Variants in AP5M1 observed in about 807,000 individuals in gnomAD.
AP5M1 encodes adaptor related protein complex 5 subunit mu 1.
In AP5M1, 44 loss-of-function variants were observed where a neutral mutation model predicts 52.3. That is an observed-to-expected ratio of 0.84 (90% CI 0.66 to 1.08). The LOEUF (loss-of-function observed/expected upper bound fraction) is 1.08, where lower values mean the gene tolerates loss of function less well. AP5M1 is among the 50% of genes least tolerant of loss of function. The probability of loss-of-function intolerance (pLI) is 0.00; values close to 1 mark genes in which losing one functional copy is unlikely to be tolerated. For missense variants in AP5M1, 526 were observed against 568.4 expected, an observed-to-expected ratio of 0.93 and a Z score of 0.76; for synonymous variants, 213 against 199.0, an observed-to-expected ratio of 1.07 and a Z score of -0.59.
rs773576298 is a variant in AP5M1, at chr14:57,288,927, A to C, written c.*43A>C. Reference sequence around the variant, plus strand: ...GGGATTATATAATGATAACAGTTTAAAGAAAATCATAATCTTATATTTTTA... The same window carrying C: ...GGGATTATATAATGATAACAGTTTACAGAAAATCATAATCTTATATTTTTA... On this transcript the variant is annotated 3_prime_UTR_variant, in exon 8 of 8. Coordinates refer to ENST00000261558, the MANE Select transcript of AP5M1 (RefSeq NM_018229.4). 1.7e-6 allele frequency: 2 copies of C among 1,186,250 alleles called. No homozygotes were observed. Among genetic ancestry groups the C allele is most frequent in the South Asian group, 2.7e-5 (2 of 73,168 alleles). 73.5% of individuals were successfully genotyped at this position (1,186,250 alleles called of 1,614,324 possible). A position where few individuals can be genotyped will look rare whatever the true frequency, so the allele number is the denominator to read the frequency against.
intron 5 of AP5M1, 25 bp from the exon 6 acceptor site, chr14:57,283,087 G>C: frequency 6.3e-7 from 1 of 1,584,610 alleles, no homozygotes; most frequent in Non-Finnish European, 8.6e-7. Context: ...ATTTAGAATT[G>C]TTTATTGGTA....
intron 1 of AP5M1, among the ~76,000 whole-genome samples, chr14:57,270,012 G>A (rs939221592): frequency 6.6e-6 from 1 of 152,134 alleles, no homozygotes; most frequent in African/African-American, 2.4e-5. Context: ...GTTTCACCGT[G>A]TTAGCCAGGA....
intron 6 of AP5M1, among the ~76,000 whole-genome samples, chr14:57,285,889 C>T (rs1420419250): frequency 6.6e-6 from 1 of 152,104 alleles, no homozygotes; most frequent in African/African-American, 2.4e-5. Flanking sequence ...TGCTTACGTG[C>T]TGGGATACCA....
chr14:57,283,239 A>T lies in AP5M1; in HGVS notation c.1293+9A>T. 1 of 1,515,720 alleles carries T rather than the reference A, an allele frequency of 6.6e-7. No homozygotes were observed. Among genetic ancestry groups the T allele is most frequent in the Non-Finnish European group, 9.1e-7 (1 of 1,094,678 alleles). 93.9% of individuals were successfully genotyped at this position (1,515,720 alleles called of 1,614,324 possible). Reference sequence around the variant, plus strand: ...AAACAGCATATTTAAAGGTAAACATATTTATACAGCTCACTACAGTAGCAC... The same window carrying T: ...AAACAGCATATTTAAAGGTAAACATTTTTATACAGCTCACTACAGTAGCAC... On this transcript the variant is annotated intron_variant, in intron 6 of 7. Coordinates refer to ENST00000261558, the MANE Select transcript of AP5M1 (RefSeq NM_018229.4).
rs1027967582 is a variant in AP5M1 at position 57,280,331 on chromosome 14, A to G, written c.857A>G (p.Asp286Gly). The change falls in exon 3 of 8, where the codon GAT becomes GGT. Residue 286 changes from aspartate to glycine, a missense_variant. Transcript: ENST00000261558. The part of the protein sequence containing the change: ...DSAILTSSSI[D>G]AMDDSAFSGP... ...GCAATTCTGACTTCTAGTAGTATTG[A>G]TGCAATGGATGACTCTGCATTTAGT... 1 of 1,613,856 alleles carries G rather than the reference A, an allele frequency of 6.2e-7. No individual in the cohort carries two copies. The highest frequency in any genetic ancestry group is 1.1e-5 in the South Asian group (1 of 91,076).
intron 1 of AP5M1, among the ~76,000 whole-genome samples, chr14:57,270,653 G>T (rs933976749): frequency 1.2e-4 from 18 of 152,040 alleles, no homozygotes; most frequent in Non-Finnish European, 2.5e-4. Flanking sequence ...TTAGTACGTG[G>T]TTTTACCAGG....
chr14:57,284,717 G>T (rs1181194176), intron 6 of AP5M1, among the ~76,000 whole-genome samples: 2 of 152,086 alleles, frequency 1.3e-5, no homozygotes, highest in Non-Finnish European at 2.9e-5. Flanking sequence ...CAAACTTGAC[G>T]CTTTTTAAGA....
Position 57,293,934 on chromosome 14 carries a change from C to T in AP5M1, c.*5050C>T, listed in dbSNP as rs193140593. ...TTAAACTGAAAATTGCAAAGGAACT[C>T]ATGAGTTCCTTTGTGATTGAAACAA... On this transcript the variant is annotated 3_prime_UTR_variant, in exon 8 of 8. Transcript: ENST00000261558. 1 of 151,686 alleles carries T rather than the reference C, an allele frequency of 6.6e-6. No individual in the cohort carries two copies. Among genetic ancestry groups the T allele is most frequent in the East Asian group, 1.9e-4 (1 of 5,152 alleles). 9.4% of individuals were successfully genotyped at this position (151,686 alleles called of 1,614,324 possible). A position where few individuals can be genotyped will look rare whatever the true frequency, so the allele number is the denominator to read the frequency against.
rs1885569840 is a variant in AP5M1 at position 57,297,152 on chromosome 14, T to C, written c.*8268T>C. The C allele has an allele frequency of 6.6e-6, 1 of 152,076 alleles. No homozygotes were observed. The highest frequency in any genetic ancestry group is 6.6e-5 in the Admixed American group (1 of 15,228). The allele number at this position is 152,076 out of a possible 1,614,324, so 9.4% of individuals were successfully genotyped here. On this transcript the variant is annotated 3_prime_UTR_variant, in exon 8 of 8. Coordinates refer to ENST00000261558, the MANE Select transcript of AP5M1 (RefSeq NM_018229.4). ...TGCCTCCAGATGTTTGGGGTTTGGA[T>C]ATGTAGGGTAAATATAAATGTCTAA...
rs775328054 is a variant in AP5M1, at chr14:57,288,915, G to A, written c.*31G>A. The A allele has an allele frequency of 7.9e-7, 1 of 1,268,272 alleles. No individual in the cohort carries two copies. Among genetic ancestry groups the A allele is most frequent in the African/African-American group, 1.5e-5 (1 of 65,862 alleles). 78.6% of individuals were successfully genotyped at this position (1,268,272 alleles called of 1,614,324 possible). A position where few individuals can be genotyped will look rare whatever the true frequency, so the allele number is the denominator to read the frequency against. On this transcript the variant is annotated 3_prime_UTR_variant, in exon 8 of 8. Transcript: ENST00000261558. ...TCATGTTTAAATGGGATTATATAAT[G>A]ATAACAGTTTAAAGAAAATCATAAT...
Position 57,292,723 on chromosome 14 carries a change from T to G in AP5M1, c.*3839T>G, listed in dbSNP as rs1008813592. The G allele has an allele frequency of 1.3e-5, 2 of 151,666 alleles. No individual in the cohort carries two copies. Among genetic ancestry groups the G allele is most frequent in the African/African-American group, 4.8e-5 (2 of 41,364 alleles). The allele number at this position is 151,666 out of a possible 1,614,324, so 9.4% of individuals were successfully genotyped here. A position where few individuals can be genotyped will look rare whatever the true frequency, so the allele number is the denominator to read the frequency against. ...GTGGCTACAACTTAGACTGAGAAAA[T>G]GCTTCTGTTTTATTAAGCTGCATGG... On this transcript the variant is annotated 3_prime_UTR_variant, in exon 8 of 8. Transcript: ENST00000261558.
Position 57,289,581 on chromosome 14 carries a change from G to A in AP5M1, c.*697G>A, listed in dbSNP as rs1379084258. On this transcript the variant is annotated 3_prime_UTR_variant, in exon 8 of 8. Coordinates refer to ENST00000261558, the MANE Select transcript of AP5M1 (RefSeq NM_018229.4). ...AGTAAGCTTGTTAATCTGCCACTTT[G>A]ACATTTTGCTTAGGATGTCAGTAGC... is the stretch of plus-strand genomic sequence containing the variant. The A allele has an allele frequency of 6.6e-6, 1 of 151,954 alleles. No homozygotes were observed. Among genetic ancestry groups the A allele is most frequent in the Non-Finnish European group, 1.5e-5 (1 of 67,940 alleles). 9.4% of individuals were successfully genotyped at this position (151,954 alleles called of 1,614,324 possible).
chr14:57,274,718 T>C lies in AP5M1; in HGVS notation c.549T>C (p.Asn183=), dbSNP rs1884978504. The change falls in exon 2 of 8, where the codon AAT becomes AAC. Residue 183 remains asparagine (N), a synonymous_variant. Transcript: ENST00000261558. ...CCAACTTACAGAATTCATTAGATAA[T>C]ACCAATTTTGCATCTGTGACTCAGC... The part of the protein sequence containing the change: ...LDANLQNSLD[N]TNFASVTQPQ... 1 of 1,614,200 alleles carries C rather than the reference T, an allele frequency of 6.2e-7. No individual in the cohort carries two copies. Among genetic ancestry groups the C allele is most frequent in the Non-Finnish European group, 8.5e-7 (1 of 1,180,040 alleles).
chr14:57,288,931 A>C lies in AP5M1; in HGVS notation c.*47A>C. The C allele has an allele frequency of 8.6e-7, 1 of 1,160,464 alleles. No homozygotes were observed. The highest frequency in any genetic ancestry group is 1.2e-6 in the Non-Finnish European group (1 of 804,806). The allele number at this position is 1,160,464 out of a possible 1,614,324, so 71.9% of individuals were successfully genotyped here. On this transcript the variant is annotated 3_prime_UTR_variant, in exon 8 of 8. Coordinates refer to ENST00000261558, the MANE Select transcript of AP5M1 (RefSeq NM_018229.4). Reference sequence around the variant, plus strand: ...TTATATAATGATAACAGTTTAAAGAAAATCATAATCTTATATTTTTAATGT... The same window carrying C: ...TTATATAATGATAACAGTTTAAAGACAATCATAATCTTATATTTTTAATGT...
At chr14:57,285,477 G>T (rs774614091) in intron 6 of AP5M1, among the ~76,000 whole-genome samples, 44 of 151,698 alleles carry the variant, frequency 2.9e-4, no homozygotes, top group Non-Finnish European at 5.0e-4. Flanking sequence ...CCAGCATTAA[G>T]AATTATACCA....
chr14:57,282,704 A>C (rs542804699), intron 4 of AP5M1, among the ~76,000 whole-genome samples: 1 of 152,308 alleles, frequency 6.6e-6, no homozygotes, highest in Non-Finnish European at 1.5e-5. Context: ...GTATGATTTC[A>C]TAGTTGTCTT....
rs1447289127 is a variant in AP5M1 at position 57,282,227 on chromosome 14, A to C, written c.1087A>C (p.Arg363=). 6.6e-7 allele frequency: 1 copy of C among 1,522,444 alleles called. No individual in the cohort carries two copies. 94.3% of individuals were successfully genotyped at this position (1,522,444 alleles called of 1,614,324 possible). ...FCEAHIPFYN[R]GPITHLEYKT... ...TGAAGCCCATATACCTTTTTACAAT[A>C]GGTAGGAATAAAATGCATATTGCCA... Residue 363 remains arginine (R), a splice_region_variant and synonymous_variant, in exon 4 of 8, where the codon AGA becomes CGA. Coordinates refer to ENST00000261558, the MANE Select transcript of AP5M1 (RefSeq NM_018229.4).
At chr14:57,284,731 T>C (rs753536293) in intron 6 of AP5M1, among the ~76,000 whole-genome samples, 12 of 152,070 alleles carry the variant, frequency 7.9e-5, no homozygotes, top group Non-Finnish European at 1.6e-4. Flanking sequence ...TTTAAGAGGG[T>C]AGAGACGTGA....
chr14:57,273,696 C>T, intron 1 of AP5M1: 1 of 701,818 alleles, frequency 1.4e-6, no homozygotes, highest in South Asian at 1.5e-5. Flanking sequence ...AATGATCTTC[C>T]ATGTTTTTGT....
Sources: allele counts gnomAD v4.1 joint callset (sites outside exome capture counted in the v4.1 genomes callset), GRCh38; gene constraint gnomAD v4.1.1; transcripts MANE v1.5; gene names NCBI Gene and HGNC (gene_info 2026-07-23, HGNC 2026-07-21).